The following MKRN2 variants were observed in gnomAD, a reference collection of about 807,000 sequenced individuals.
The protein encoded by MKRN2 is makorin ring finger protein 2.
Under a neutral mutation model 45.4 loss-of-function variants are expected in MKRN2, and 32 were observed. The observed-to-expected ratio is 0.70, with a 90% CI of 0.53 to 0.95. The LOEUF (loss-of-function observed/expected upper bound fraction) is 0.95. Among genes scored for constraint, MKRN2 ranks in the 40% least tolerant of loss-of-function variants. The pLI is 0.00. For missense variants in MKRN2, 526 were observed against 536.7 expected, an observed-to-expected ratio of 0.98 and a Z score of 0.20; for synonymous variants, 206 against 192.4, an observed-to-expected ratio of 1.07 and a Z score of -0.59.
At chr3:12,573,837 G>A (rs1184218780) in intron 4 of MKRN2, among the ~76,000 whole-genome samples, 3 of 151,638 alleles carry the variant, frequency 2.0e-5, no homozygotes, top group African/African-American at 4.9e-5. Context: ...AGCTTGCAGC[G>A]AGCTGAGATT....
chr3:12,576,831 CT>C, intron 6 of MKRN2, 90 bp downstream of exon 6: 2 of 805,004 alleles, frequency 2.5e-6, no homozygotes, highest in Non-Finnish European at 4.0e-6. Context: ...GGAGTGTGGT[CT>C]TAGGGGCCTC....
At chr3:12,558,747 G>C (rs1216416704) in intron 1 of MKRN2, among the ~76,000 whole-genome samples, 1 of 152,156 alleles carries the variant, frequency 6.6e-6, no homozygotes, top group East Asian at 1.9e-4. Context: ...TCCCAAACAG[G>C]GGTGTTCTGT....
chr3:12,582,221 C>G lies in MKRN2; in HGVS notation c.1219C>G (p.His407Asp). The change falls in exon 8 of 8, where the codon CAC (histidine) becomes GAC (aspartate). Residue 407 changes from histidine to aspartate, a missense_variant. Transcript: ENST00000170447. ...DMTELGDLFMHLSGVESSEP is the reference protein window; with the variant it reads ...DMTELGDLFMDLSGVESSEP ...GACAGAGCTCGGGGACCTCTTCATG[C>G]ACCTTTCTGGAGTGGAATCATCAGA... The G allele has an allele frequency of 6.2e-7, 1 of 1,614,152 alleles. No homozygotes were observed. Among genetic ancestry groups the G allele is most frequent in the East Asian group, 2.2e-5 (1 of 44,880 alleles).
At chr3:12,565,446 C>T (rs150281928) in intron 1 of MKRN2, among the ~76,000 whole-genome samples, 2 of 151,224 alleles carry the variant, frequency 1.3e-5, no homozygotes, top group Non-Finnish European at 2.9e-5. Flanking sequence ...GTCATATCAG[C>T]AGGTACATAT....
intron 4 of MKRN2, among the ~76,000 whole-genome samples, chr3:12,572,593 A>AT (rs35732444): frequency 0.17 from 24,527 of 145,302 alleles, 2,226 homozygotes; most frequent in African/African-American, 0.23. Flanking sequence ...TCATTTTGCC[A>AT]TTTTTTTTTT....
At chr3:12,572,968 A>G (rs2058108883) in intron 4 of MKRN2, among the ~76,000 whole-genome samples, 1 of 152,236 alleles carries the variant, frequency 6.6e-6, no homozygotes, top group South Asian at 2.1e-4. Flanking sequence ...TTCAAAGAAC[A>G]GATCTAGCTC....
chr3:12,564,898 T>C (rs1409254804), intron 1 of MKRN2, among the ~76,000 whole-genome samples: 1 of 152,254 alleles, frequency 6.6e-6, no homozygotes, highest in East Asian at 1.9e-4. Flanking sequence ...GTCCAGCTTC[T>C]TTCACTCTGC....
At chr3:12,565,827 A>G (rs1346156460) in intron 1 of MKRN2, among the ~76,000 whole-genome samples, 6 of 151,110 alleles carry the variant, frequency 4.0e-5, no homozygotes, top group Non-Finnish European at 1.5e-5. Flanking sequence ...GGCATGAGCC[A>G]CTGCATGCGG....
chr3:12,574,365 G>T (rs1961633), intron 4 of MKRN2, among the ~76,000 whole-genome samples: 4,648 of 152,286 alleles, frequency 0.031, 237 homozygotes, highest in African/African-American at 0.1. Context: ...TTCTTACATA[G>T]GACTAGGCTG....
chr3:12,563,616 A>C (rs2058052423), intron 1 of MKRN2, among the ~76,000 whole-genome samples: 1 of 147,066 alleles, frequency 6.8e-6, no homozygotes, highest in Admixed American at 6.8e-5. Context: ...CAGCTTCCCG[A>C]GTAGCTGGGA....
Position 12,568,994 on chromosome 3 carries a change from C to A in MKRN2, c.146C>A (p.Thr49Asn). 1 of 1,613,928 alleles carries A rather than the reference C, an allele frequency of 6.2e-7. No homozygotes were observed. Among genetic ancestry groups the A allele is most frequent in the Admixed American group, 1.7e-5 (1 of 59,928 alleles). ...CAGAAGGGCTACTGTGCCTATGGAA[C>A]TCGGTGCAGGCAAGGACTCTGCAAC... ...YYQKGYCAYG[T>N]RCRYDHTRPS... Residue 49 changes from threonine to asparagine, a missense_variant, in exon 2 of 8, where the codon ACT becomes AAT. Coordinates refer to ENST00000170447, the MANE Select transcript of MKRN2 (RefSeq NM_014160.5).
intron 4 of MKRN2, among the ~76,000 whole-genome samples, chr3:12,573,668 CG>C (rs1485442877): frequency 6.6e-6 from 1 of 152,000 alleles, no homozygotes; most frequent in Non-Finnish European, 1.5e-5. Flanking sequence ...ACGAGGCAGG[CG>C]GATCACAAGG....
rs2058207676 is a variant in MKRN2 at position 12,583,607 on chromosome 3, C to CTAAATT, written c.*1358_*1363dup. 1 of 230,946 alleles carries CTAAATT rather than the reference C, an allele frequency of 4.3e-6. No homozygotes were observed. The highest frequency in any genetic ancestry group is 1.8e-4 in the South Asian group (1 of 5,512). The allele number at this position is 230,946 out of a possible 1,614,324, so 14.3% of individuals were successfully genotyped here. A position where few individuals can be genotyped will look rare whatever the true frequency, so the allele number is the denominator to read the frequency against. On this transcript the variant is annotated 3_prime_UTR_variant, in exon 8 of 8. Transcript: ENST00000170447. ...AGGAGGTAACAGCCAGCCATTACACCTAAATTTAATTTATTTTATTAAAAT... is the reference window on the plus strand; with the variant it reads ...AGGAGGTAACAGCCAGCCATTACACCTAAATTTAAATTTAATTTATTTTATTAAAAT...
chr3:12,565,018 C>T (rs900724007), intron 1 of MKRN2, among the ~76,000 whole-genome samples: 1 of 152,124 alleles, frequency 6.6e-6, no homozygotes, highest in Non-Finnish European at 1.5e-5. Context: ...TCTGTCTGTT[C>T]ATCAGTTGAT....
rs59197804 is a variant in MKRN2 at position 12,576,189 on chromosome 3, ATGTGTGTGTGTGTGTGTGTG to A, written c.858-420_858-401del. ...GTCTTTTTTGTTGAGGAAACCATAT[ATGTGTGTGTGTGTGTGTGTG>A]TGTGTGTGTGTGTGTGTGTGTATTT... On this transcript the variant is annotated intron_variant, in intron 5 of 7. Coordinates refer to ENST00000170447, the MANE Select transcript of MKRN2 (RefSeq NM_014160.5). Among the ~76,000 whole-genome samples the A allele has an allele frequency of 7.3e-3, 1,047 of 143,312 alleles. 5 individuals carry two copies. The highest frequency in any genetic ancestry group is 0.025 in the African/African-American group (980 of 38,756). 94.0% of individuals were successfully genotyped at this position (143,312 alleles called of 152,430 possible).
rs1422541218 is a variant in MKRN2 at position 12,583,046 on chromosome 3, C to A, written c.*793C>A. ...TCTGCTCTCACCTGTGGGTTCTTGC[C>A]CATCAGGGTAATTGTATTGAGAACT... is the stretch of plus-strand genomic sequence containing the variant. On this transcript the variant is annotated 3_prime_UTR_variant, in exon 8 of 8. Coordinates refer to ENST00000170447, the MANE Select transcript of MKRN2 (RefSeq NM_014160.5). 2 of 152,178 alleles carry A rather than the reference C, an allele frequency of 1.3e-5. No homozygotes were observed. Among genetic ancestry groups the A allele is most frequent in the Non-Finnish European group, 2.9e-5 (2 of 68,048 alleles). 9.4% of individuals were successfully genotyped at this position (152,178 alleles called of 1,614,324 possible). A position where few individuals can be genotyped will look rare whatever the true frequency, so the allele number is the denominator to read the frequency against.
intron 4 of MKRN2, 91 bp downstream of exon 4, chr3:12,572,464 A>G: frequency 1.6e-6 from 2 of 1,212,970 alleles, no homozygotes; most frequent in Non-Finnish European, 2.2e-6. Context: ...CACTCAAGAA[A>G]TCTGAAATGT....
At chr3:12,580,437 C>T (rs1305116403) in intron 6 of MKRN2, among the ~76,000 whole-genome samples, 1 of 146,210 alleles carries the variant, frequency 6.8e-6, no homozygotes, top group Non-Finnish European at 1.5e-5. Flanking sequence ...TGTTCTCTCT[C>T]CCCCCACCCT....
At chr3:12,575,117 C>T in intron 5 of MKRN2, 111 bp downstream of exon 5, 1 of 960,556 alleles carries the variant, frequency 1.0e-6, no homozygotes, top group South Asian at 1.7e-5. Flanking sequence ...CTGGTGAGTT[C>T]TGGCCCCTGG....
Sources: allele counts gnomAD v4.1 joint callset (sites outside exome capture counted in the v4.1 genomes callset), GRCh38; gene constraint gnomAD v4.1.1; transcripts MANE v1.5; gene names NCBI Gene and HGNC (gene_info 2026-07-23, HGNC 2026-07-21).